The following BRSK2 variants were observed in gnomAD, a reference collection of about 807,000 sequenced individuals.
BRSK2 encodes the protein serine/threonine-protein kinase BRSK2.
Under a neutral mutation model 83.3 loss-of-function variants are expected in BRSK2, and 19 were observed. The ratio of observed to expected loss-of-function variants is 0.23; its 90% confidence interval spans 0.16 to 0.33. The LOEUF is 0.33. Among genes scored for constraint, BRSK2 ranks in the 10% least tolerant of loss-of-function variants. The probability of loss-of-function intolerance (pLI) is 1.00; values close to 1 mark genes in which losing one functional copy is unlikely to be tolerated. For missense variants in BRSK2, 798 were observed against 1,042.3 expected (o/e 0.77, Z 3.23); for synonymous variants, 519 against 435.4 (o/e 1.19, Z -2.39).
At chr11:1,400,427 G>A (rs991957214) in intron 1 of BRSK2, among the ~76,000 whole-genome samples, 11 of 152,164 alleles carry the variant, frequency 7.2e-5, no homozygotes, top group Non-Finnish European at 1.5e-4. Flanking sequence ...CCCTGACCCT[G>A]GGCGGTGGCC....
rs530183557 is a variant in BRSK2, at chr11:1,462,177, C to A, written c.*1454C>A. On this transcript the variant is annotated 3_prime_UTR_variant, in exon 20 of 20. Transcript: ENST00000528841. ...GTGCAGAGCGAGGCCCAGGGCGCAG[C>A]CCTCAGAGGGCTGCAGGCCCACCCT... 9.2e-5 allele frequency: 14 copies of A among 152,398 alleles called. No homozygotes were observed. The highest frequency in any genetic ancestry group is 3.4e-4 in the African/African-American group (14 of 41,586). The allele number at this position is 152,398 out of a possible 1,614,324, so 9.4% of individuals were successfully genotyped here.
At chr11:1,420,935 G>T (rs1047398847) in intron 1 of BRSK2, among the ~76,000 whole-genome samples, 2 of 152,214 alleles carry the variant, frequency 1.3e-5, no homozygotes, top group African/African-American at 2.4e-5. Context: ...GGCCCCCTCG[G>T]CCCTCTGGCT....
intron 19 of BRSK2, 183 bp downstream of exon 19, chr11:1,459,422 C>A (rs1029562737): frequency 3.0e-6 from 2 of 658,890 alleles, no homozygotes; most frequent in African/African-American, 3.6e-5. Context: ...GCTCCCCTAC[C>A]ACAGCAAGCC....
At chr11:1,442,416 C>A in intron 4 of BRSK2, 74 bp from the exon 5 acceptor site, 1 of 1,157,520 alleles carries the variant, frequency 8.6e-7, no homozygotes, top group East Asian at 2.4e-5. Flanking sequence ...GGGCTCTGGG[C>A]AGGGGGTCTC....
At chr11:1,448,272 G>A (rs1006142745) in intron 12 of BRSK2, among the ~76,000 whole-genome samples, 4 of 152,190 alleles carry the variant, frequency 2.6e-5, no homozygotes, top group African/African-American at 4.8e-5. Context: ...AGGAGGCGCC[G>A]CCGTCAAGAG....
intron 1 of BRSK2, among the ~76,000 whole-genome samples, chr11:1,400,760 G>T (rs531738935): frequency 2.6e-5 from 4 of 152,350 alleles, no homozygotes; most frequent in Admixed American, 1.3e-4. Flanking sequence ...GCTCTGCCTG[G>T]GCCCTGCGGC....
Position 1,411,435 on chromosome 11 carries a change from G to T in BRSK2, c.91+21060G>T. 6 of 1,467,934 alleles carry T rather than the reference G, an allele frequency of 4.1e-6. No homozygotes were observed. In the South Asian group the frequency reaches 8.3e-5, roughly 20 times the overall value. 90.9% of individuals were successfully genotyped at this position (1,467,934 alleles called of 1,614,324 possible). ...CCCTGAGGGCCACCCCAGCCGATGG[G>T]CACGTCCCCGCCGGCCCTGCATCTG... On this transcript the variant is annotated intron_variant, in intron 1 of 19. Coordinates refer to ENST00000528841, the MANE Select transcript of BRSK2 (RefSeq NM_001256627.2).
At position 1,460,460 on chromosome 11, in the gene BRSK2, C is replaced by CTTTTTTTTT. The variant is rs781049550; in HGVS notation, c.1988-40_1988-39insTTTTTTTTT. ...TCTCTCCCCCTTTTTTTTCTTTTTT[C>CTTTTTTTTT]CTTTTTTTTTTTTTTTTTGTCTCTG... On this transcript the variant is annotated intron_variant, in intron 19 of 19. Coordinates refer to ENST00000528841, the MANE Select transcript of BRSK2 (RefSeq NM_001256627.2). 11 of 1,122,764 alleles carry CTTTTTTTTT rather than the reference C, an allele frequency of 9.8e-6. 2 individuals carry two copies. The highest frequency in any genetic ancestry group is 3.0e-4 in the Middle Eastern group (1 of 3,340). The allele number at this position is 1,122,764 out of a possible 1,614,324, so 69.6% of individuals were successfully genotyped here.
At position 1,454,419 on chromosome 11, in the gene BRSK2, G is replaced by A. The variant is rs553387801; in HGVS notation, c.1545-66G>A. Reference sequence around the variant, plus strand: ...ATTCCGCCGTTCCAACCCCAGATTCGAGGGAGGCAGGGGTGTGGACGGTGC... The same window carrying A: ...ATTCCGCCGTTCCAACCCCAGATTCAAGGGAGGCAGGGGTGTGGACGGTGC... On this transcript the variant is annotated intron_variant, in intron 15 of 19. Coordinates refer to ENST00000528841, the MANE Select transcript of BRSK2 (RefSeq NM_001256627.2). The surrounding 1 kb of genome is among the most constrained non-coding windows in gnomAD (Gnocchi z 5.2). 27 of 1,581,956 alleles carry A rather than the reference G, an allele frequency of 1.7e-5. No individual in the cohort carries two copies. Among genetic ancestry groups the A allele is most frequent in the East Asian group, 6.7e-5 (3 of 44,524 alleles).
intron 4 of BRSK2, among the ~76,000 whole-genome samples, chr11:1,442,160 T>C (rs1043340354): frequency 4.6e-5 from 7 of 151,618 alleles, no homozygotes; most frequent in Non-Finnish European, 1.0e-4. Flanking sequence ...CCAGGGGCCA[T>C]TGCTTGCATC....
At chr11:1,451,311 G>T in intron 14 of BRSK2, 60 bp from the exon 15 acceptor site, 1 of 1,600,126 alleles carries the variant, frequency 6.2e-7, no homozygotes, top group Non-Finnish European at 8.6e-7. Flanking sequence ...AAGGTGGCCA[G>T]GGCAGGGGAA....
At chr11:1,407,302 A>G (rs968089688) in intron 1 of BRSK2, among the ~76,000 whole-genome samples, 5 of 152,096 alleles carry the variant, frequency 3.3e-5, no homozygotes, top group East Asian at 1.9e-4. Context: ...CGACAGCCCC[A>G]CTGCCTGCAG....
At chr11:1,456,113 G>A (rs969544327) in intron 16 of BRSK2, among the ~76,000 whole-genome samples, 2 of 152,160 alleles carry the variant, frequency 1.3e-5, no homozygotes, top group African/African-American at 4.8e-5. Context: ...GAAAAGCCCG[G>A]CAGGGGCTTA....
intron 1 of BRSK2, among the ~76,000 whole-genome samples, chr11:1,426,081 G>A (rs1407077635): frequency 1.3e-5 from 2 of 152,198 alleles, no homozygotes; most frequent in African/African-American, 2.4e-5. Context: ...GCCTGTGCGC[G>A]CCCATTCAGG....
At position 1,439,103 on chromosome 11, in the gene BRSK2, G is replaced by A. The variant is rs890516853; in HGVS notation, c.272+712G>A. Reference sequence around the variant, plus strand: ...CCCTCGCTGGTCCCAGGGCGGCGGCGTGACCTGCCAGGTGATCCTAGCCGG... The same window carrying A: ...CCCTCGCTGGTCCCAGGGCGGCGGCATGACCTGCCAGGTGATCCTAGCCGG... On this transcript the variant is annotated intron_variant, in intron 3 of 19. Transcript: ENST00000528841. Among the ~76,000 whole-genome samples, 6 of 152,184 alleles carry A rather than the reference G, an allele frequency of 3.9e-5. No homozygotes were observed. In the East Asian group the frequency reaches 5.8e-4, roughly 15 times the overall value.
chr11:1,411,272 A>G (rs1847465896), intron 1 of BRSK2: 4 of 1,309,598 alleles, frequency 3.1e-6, no homozygotes, highest in Non-Finnish European at 3.9e-6. Flanking sequence ...CCAGATCAGC[A>G]GGAAAGCAGC....
chr11:1,392,953 A>G (rs372078956), intron 1 of BRSK2, among the ~76,000 whole-genome samples: 3 of 152,106 alleles, frequency 2.0e-5, no homozygotes, highest in African/African-American at 7.2e-5. Flanking sequence ...CCGTCAGAGC[A>G]CTGAGCATCT....
At chr11:1,451,575 A>G (rs576968410) in intron 15 of BRSK2, among the ~76,000 whole-genome samples, 156 bp downstream of exon 15, 235 of 152,222 alleles carry the variant, frequency 1.5e-3, no homozygotes, top group African/African-American at 5.5e-3. Context: ...GAGTCTCTGA[A>G]GTTCGAATTC....
chr11:1,453,798 C>G (rs1197959647), intron 15 of BRSK2: 1 of 152,362 alleles, frequency 6.6e-6, no homozygotes, highest in South Asian at 2.1e-4. Flanking sequence ...GTTCCACCTC[C>G]AGGCAGCAAC....
Sources: allele counts gnomAD v4.1 joint callset (sites outside exome capture counted in the v4.1 genomes callset), GRCh38; gene constraint gnomAD v4.1.1; non-coding constraint Gnocchi (gnomAD v3.1); transcripts MANE v1.5; gene names NCBI Gene and HGNC (gene_info 2026-07-23, HGNC 2026-07-21).